Variants in COL24A1 observed in about 807,000 individuals in gnomAD.
The protein encoded by COL24A1 is collagen type XXIV alpha 1 chain.
A neutral mutation model predicts 253.9 loss-of-function variants in COL24A1; 224 were observed. The ratio of observed to expected loss-of-function variants is 0.88; its 90% CI spans 0.79 to 0.99. The LOEUF (loss-of-function observed/expected upper bound fraction) is 0.99. Ranked by LOEUF, COL24A1 falls within the 50% of genes least tolerant of loss-of-function variation. The probability of loss-of-function intolerance (pLI) is 0.00; values close to 1 mark genes in which losing one functional copy is unlikely to be tolerated. For synonymous variants in COL24A1, 685 were observed against 673.7 expected, an observed-to-expected ratio of 1.02 and a Z score of -0.26; for missense variants, 2,131 against 2,068.5, an observed-to-expected ratio of 1.03 and a Z score of -0.59.
intron 7 of COL24A1, among the ~76,000 whole-genome samples, chr1:86,075,052 G>A (rs958358191): frequency 5.9e-5 from 9 of 151,964 alleles, no homozygotes; most frequent in African/African-American, 1.9e-4. Flanking sequence ...GAGAAGAACT[G>A]AAGGAGATAG....
In COL24A1 at chr1:85,737,399, TG is replaced by T. The variant is rs1307777394; in HGVS notation, c.4778del (p.Thr1593LysfsTer12). On this transcript the variant is annotated frameshift_variant, in exon 58 of 60. Coordinates refer to ENST00000370571, the MANE Select transcript of COL24A1 (RefSeq NM_152890.7). LOFTEE classifies it high-confidence loss of function. ...GTTCTAAAATTCAGTAACATACCTTTGTTACAGAAACAGGAGGTAAGCATGT... is the reference window on the plus strand; with the variant it reads ...GTTCTAAAATTCAGTAACATACCTTTTTACAGAAACAGGAGGTAAGCATGT... ...GQTCLPPVSV[T>X]KLEFGVGKVQ... 3 of 1,607,128 alleles carry T rather than the reference TG, an allele frequency of 1.9e-6. No individual in the cohort carries two copies. In the Admixed American group the frequency reaches 5.0e-5, roughly 27 times the overall value.
chr1:85,826,729 C>G (rs1256580576), intron 43 of COL24A1, among the ~76,000 whole-genome samples: 3 of 151,416 alleles, frequency 2.0e-5, no homozygotes, highest in Non-Finnish European at 4.4e-5. Context: ...CTCTGTTTGT[C>G]TGTTGTTGGT....
intron 32 of COL24A1, among the ~76,000 whole-genome samples, chr1:85,879,815 G>C (rs1016018017): frequency 1.3e-5 from 2 of 152,154 alleles, no homozygotes; most frequent in South Asian, 4.1e-4. Context: ...TGTCTCAGGG[G>C]TAGCGGAGGT....
chr1:85,772,165 T>TA (rs1405044610), intron 53 of COL24A1, among the ~76,000 whole-genome samples: 1 of 151,714 alleles, frequency 6.6e-6, no homozygotes, highest in African/African-American at 2.4e-5. Context: ...TTCCATGGTG[T>TA]ATATGTGCCA....
chr1:86,113,160 T>G (rs1705780799), intron 4 of COL24A1, among the ~76,000 whole-genome samples: 1 of 152,242 alleles, frequency 6.6e-6, no homozygotes, highest in African/African-American at 2.4e-5. Flanking sequence ...GATTCTATTT[T>G]CTGAGTACCT....
At chr1:85,849,289 AGT>A in intron 38 of COL24A1, 62 bp downstream of exon 38, 1 of 1,169,720 alleles carries the variant, frequency 8.5e-7, no homozygotes, top group Non-Finnish European at 1.3e-6. Flanking sequence ...ACATTACAGC[AGT>A]CTATGGAGTT....
chr1:86,149,228 C>A (rs1437341577), intron 1 of COL24A1, among the ~76,000 whole-genome samples: 1 of 152,152 alleles, frequency 6.6e-6, no homozygotes, highest in Non-Finnish European at 1.5e-5. Context: ...ATAATTGGAT[C>A]TTTCTCTCCT....
intron 47 of COL24A1, among the ~76,000 whole-genome samples, chr1:85,800,900 A>C (rs1671355193): frequency 6.6e-6 from 1 of 152,224 alleles, no homozygotes; most frequent in African/African-American, 2.4e-5. Flanking sequence ...ACCAAAACTC[A>C]AAAAGAGGGA....
chr1:85,808,170 C>T (rs313742), intron 47 of COL24A1, among the ~76,000 whole-genome samples: 70,035 of 152,030 alleles, frequency 0.46, 16,427 homozygotes, highest in East Asian at 0.58. Flanking sequence ...TTGTGAAAAA[C>T]TGTACATATT....
At chr1:85,742,045 TC>T (rs1255870730) in intron 57 of COL24A1, among the ~76,000 whole-genome samples, 1 of 152,160 alleles carries the variant, frequency 6.6e-6, no homozygotes, top group African/African-American at 2.4e-5. Context: ...GATAGCTGCT[TC>T]TTAGTTTTGT....
intron 59 of COL24A1, among the ~76,000 whole-genome samples, chr1:85,734,334 G>C (rs757428558): frequency 2.6e-5 from 4 of 152,156 alleles, no homozygotes; most frequent in Non-Finnish European, 4.4e-5. Context: ...AAACTCACTT[G>C]CCTCTATAAC....
At chr1:85,908,775 G>T in intron 26 of COL24A1, 124 bp from the exon 27 acceptor site, 1 of 437,456 alleles carries the variant, frequency 2.3e-6, no homozygotes, top group Non-Finnish European at 4.1e-6. Flanking sequence ...TGTTTCTTTT[G>T]TAACCAAGAT....
At chr1:85,946,035 A>G (rs919327093) in intron 24 of COL24A1, among the ~76,000 whole-genome samples, 1 of 152,140 alleles carries the variant, frequency 6.6e-6, no homozygotes, top group Non-Finnish European at 1.5e-5. Context: ...AAAACTGGCA[A>G]GAGTGGTTCA....
At chr1:85,995,326 T>TA (rs1200286276) in intron 19 of COL24A1, among the ~76,000 whole-genome samples, 1 of 152,106 alleles carries the variant, frequency 6.6e-6, no homozygotes, top group Non-Finnish European at 1.5e-5. Flanking sequence ...CCTCAAGTGA[T>TA]ACTCTTGCTT....
intron 20 of COL24A1, among the ~76,000 whole-genome samples, chr1:85,978,045 A>G (rs976996183): frequency 6.6e-6 from 1 of 152,212 alleles, no homozygotes; most frequent in Non-Finnish European, 1.5e-5. Context: ...CAGAAACCCT[A>G]CAAGCCAGAA....
intron 31 of COL24A1, among the ~76,000 whole-genome samples, chr1:85,890,126 A>G (rs967850710): frequency 2.6e-5 from 4 of 152,116 alleles, no homozygotes; most frequent in African/African-American, 9.7e-5. Flanking sequence ...CATATTCCAC[A>G]TTTTGTTTAC....
At chr1:85,914,403 T>A (rs1419965176) in intron 24 of COL24A1, among the ~76,000 whole-genome samples, 41 of 151,050 alleles carry the variant, frequency 2.7e-4, no homozygotes, top group Non-Finnish European at 5.6e-4. Flanking sequence ...TTTTTTTTTT[T>A]TTCTTGAGAT....
At chr1:85,870,384 C>T (rs1425511328) in intron 35 of COL24A1, among the ~76,000 whole-genome samples, 1 of 152,208 alleles carries the variant, frequency 6.6e-6, no homozygotes, top group African/African-American at 2.4e-5. Context: ...CCCAAATCAA[C>T]AGAATATACA....
intron 57 of COL24A1, among the ~76,000 whole-genome samples, chr1:85,739,332 T>C (rs1470270985): frequency 1.3e-5 from 2 of 152,208 alleles, no homozygotes; most frequent in African/African-American, 4.8e-5. Flanking sequence ...TCAGGTGTTA[T>C]ATTCTATTTG....
Sources: gnomAD v4.1 joint callset for allele counts (sites outside exome capture counted in the v4.1 genomes callset) on GRCh38, gnomAD v4.1.1 for gene constraint, MANE v1.5 for transcripts, NCBI Gene and HGNC (gene_info 2026-07-23, HGNC 2026-07-21) for gene names.